The following GDF5 variants were observed in gnomAD, a reference collection of about 807,000 sequenced individuals.
GDF5 encodes the protein growth/differentiation factor 5.
In GDF5, 17 loss-of-function variants were observed where a neutral mutation model predicts 34.6. That is an observed-to-expected ratio of 0.49 (90% confidence interval 0.34 to 0.74). The LOEUF is 0.74. GDF5 is among the 30% of genes least tolerant of loss of function. The pLI is 0.01. For missense variants in GDF5, 616 were observed against 661.2 expected, an observed-to-expected ratio of 0.93 and a Z score of 0.75; for synonymous variants, 332 against 290.7, an observed-to-expected ratio of 1.14 and a Z score of -1.44.
At chr20:35,442,270 C>T (rs1007888545), upstream of GDF5, among the ~76,000 whole-genome samples, 2 of 152,060 alleles carry the variant, frequency 1.3e-5, no homozygotes, top group African/African-American at 2.4e-5. Context: ...CTTCAGCCTC[C>T]TGAGTAGCTG....
chr20:35,434,545 G>T lies in GDF5; in HGVS notation c.870C>A (p.Gly290=). The change falls in exon 2 of 2, where the codon GGC becomes GGA. Residue 290 remains glycine (G), a synonymous_variant. Transcript: ENST00000374369. Reference sequence around the variant, plus strand: ...GCTTCCAGATGTCGAACACCTCCCAGCCAGATCCGTCCAGGCCTGGCACGG... The same window carrying T: ...GCTTCCAGATGTCGAACACCTCCCATCCAGATCCGTCCAGGCCTGGCACGG... The part of the protein sequence containing the change: ...VRSVPGLDGS[G]WEVFDIWKLF... The T allele has an allele frequency of 1.3e-6, 2 of 1,598,972 alleles. No individual in the cohort carries two copies. Among genetic ancestry groups the T allele is most frequent in the Non-Finnish European group, 1.7e-6 (2 of 1,171,848 alleles).
upstream of GDF5, among the ~76,000 whole-genome samples, chr20:35,440,264 C>T (rs2062493722): frequency 6.6e-6 from 1 of 151,346 alleles, no homozygotes; most frequent in Non-Finnish European, 1.5e-5. Flanking sequence ...CGAGATCGCA[C>T]CACTGCACTC....
At chr20:35,442,138 GC>G (rs1196563790), upstream of GDF5, among the ~76,000 whole-genome samples, 1 of 152,028 alleles carries the variant, frequency 6.6e-6, no homozygotes, top group Non-Finnish European at 1.5e-5. Flanking sequence ...ACCACATGTG[GC>G]CGAAAGTAAC....
intron 1 of GDF5, among the ~76,000 whole-genome samples, chr20:35,436,222 C>T (rs749375846): frequency 6.4e-4 from 97 of 152,248 alleles, no homozygotes; most frequent in Non-Finnish European, 1.2e-3. Flanking sequence ...GGGGGGCACA[C>T]GGACTTATTT....
intron 1 of GDF5, among the ~76,000 whole-genome samples, chr20:35,452,347 A>C (rs1201117326): frequency 6.6e-6 from 1 of 152,262 alleles, no homozygotes; most frequent in East Asian, 1.9e-4. Context: ...AAATAAGGGA[A>C]TGAATCCCCC....
chr20:35,452,433 T>C (rs79447658), intron 1 of GDF5, among the ~76,000 whole-genome samples: 9,105 of 152,256 alleles, frequency 0.06, 389 homozygotes, highest in Non-Finnish European at 0.097. Flanking sequence ...TCATAGTCTT[T>C]TTCTTTGAGA....
At chr20:35,448,413 A>AAATAT (rs1236837477) in intron 1 of GDF5, among the ~76,000 whole-genome samples, 149 of 96,500 alleles carry the variant, frequency 1.5e-3, no homozygotes, top group African/African-American at 5.9e-3. Context: ...AAAAAAAAAA[A>AAATAT]ATATATATAT....
chr20:35,438,863 A>ATGTGTGCCTGTGTGTGTG (rs797041759), upstream of GDF5, among the ~76,000 whole-genome samples: 84 of 144,372 alleles, frequency 5.8e-4, no homozygotes, highest in East Asian at 8.1e-3. Context: ...GTGTGTGTTT[A>ATGTGTGCCTGTGTGTGTG]TGTGCCTGTG....
At chr20:35,437,214 G>T in intron 1 of GDF5, 84 bp downstream of exon 1, 1 of 981,954 alleles carries the variant, frequency 1.0e-6, no homozygotes, top group Non-Finnish European at 1.6e-6. Flanking sequence ...CTCCCACCAG[G>T]GCAGTGCCAG....
intron 1 of GDF5, among the ~76,000 whole-genome samples, chr20:35,450,052 C>T (rs1327666737): frequency 6.6e-6 from 1 of 151,492 alleles, no homozygotes; most frequent in Non-Finnish European, 1.5e-5. Context: ...CCTGTAATCC[C>T]AGCACTTTGG....
At chr20:35,451,819 C>T (rs894130320) in intron 1 of GDF5, among the ~76,000 whole-genome samples, 12 of 152,102 alleles carry the variant, frequency 7.9e-5, no homozygotes, top group African/African-American at 2.4e-4. Flanking sequence ...CAGGCGTGAG[C>T]CACTGCACCC....
At chr20:35,448,016 T>C (rs2062519137) in intron 1 of GDF5, among the ~76,000 whole-genome samples, 1 of 152,202 alleles carries the variant, frequency 6.6e-6, no homozygotes, top group South Asian at 2.1e-4. Flanking sequence ...ATATATTTGA[T>C]TATAAAATTA....
At chr20:35,437,246 C>A in intron 1 of GDF5, 52 bp downstream of exon 1, 2 of 1,280,368 alleles carry the variant, frequency 1.6e-6, no homozygotes, top group Non-Finnish European at 2.2e-6. Flanking sequence ...CCCCTCCATT[C>A]ATGCAGATGC....
At position 35,445,076 on chromosome 20, in the gene GDF5, T is replaced by TA. The variant is rs1299736746; in HGVS notation, c.-397-3690dup. 3.9e-5 allele frequency among the ~76,000 whole-genome samples: 6 copies of TA among 152,316 alleles called. No individual in the cohort carries two copies. In the East Asian group the frequency reaches 9.6e-4, roughly 24 times the overall value. On this transcript the variant is annotated intron_variant, in intron 1 of 3. Transcript: ENST00000374372. ...GCACTGGGAACCCAATGGGATGTTT[T>TA]AAGCAGGAGAGTAGTGAAATAATGA...
rs758016837 is a variant in GDF5 at position 35,434,554 on chromosome 20, G to A, written c.861C>T (p.Asp287=). 3.5e-5 allele frequency: 56 copies of A among 1,593,664 alleles called. No individual in the cohort carries two copies. The highest frequency in any genetic ancestry group is 4.4e-5 in the Non-Finnish European group (51 of 1,168,814). ...LLDVRSVPGL[D]GSGWEVFDIW... is the part of the protein sequence containing the mutation. The stretch of plus-strand genomic sequence containing the variant: ...TGTCGAACACCTCCCAGCCAGATCC[G>A]TCCAGGCCTGGCACGGAGCGCACAT... Residue 287 remains aspartate, a synonymous_variant, in exon 2 of 2, where the codon GAC becomes GAT. Coordinates refer to ENST00000374369, the MANE Select transcript of GDF5 (RefSeq NM_000557.5).
upstream of GDF5, among the ~76,000 whole-genome samples, chr20:35,438,807 G>C (rs991243336): frequency 7.5e-6 from 1 of 134,024 alleles, no homozygotes; most frequent in Non-Finnish European, 1.6e-5. Flanking sequence ...ATCTAGTCTG[G>C]GACCTGATTT....
At chr20:35,446,681 G>A (rs889034730) in intron 1 of GDF5, among the ~76,000 whole-genome samples, 1 of 152,056 alleles carries the variant, frequency 6.6e-6, no homozygotes, top group African/African-American at 2.4e-5. Context: ...TTTCATAAAT[G>A]AGGAAATTAA....
rs572299467 is a variant in GDF5 at position 35,437,506 on chromosome 20, G to A, written c.423C>T (p.Pro141=). ...TGGCCTTCTTCAGCAGGAAGGAGCTGGGGACAGATCCTGCTTTTGGGGGTG... is the reference window on the plus strand; with the variant it reads ...TGGCCTTCTTCAGCAGGAAGGAGCTAGGGACAGATCCTGCTTTTGGGGGTG... ...GKAPPKAGSV[P]SSFLLKKARE... Residue 141 remains proline, a synonymous_variant, in exon 1 of 2, where the codon CCC becomes CCT. Coordinates refer to ENST00000374369, the MANE Select transcript of GDF5 (RefSeq NM_000557.5). 1.2e-6 allele frequency: 2 copies of A among 1,614,136 alleles called. No homozygotes were observed. Among genetic ancestry groups the A allele is most frequent in the African/African-American group, 1.3e-5 (1 of 75,050 alleles).
intron 1 of GDF5, among the ~76,000 whole-genome samples, chr20:35,454,386 A>C (rs2062557357): frequency 6.6e-6 from 1 of 151,950 alleles, no homozygotes; most frequent in South Asian, 2.1e-4. Flanking sequence ...CCTGGGAGGC[A>C]GAGGTTGCAG....
Sources: gnomAD v4.1 joint callset for allele counts (sites outside exome capture counted in the v4.1 genomes callset) on GRCh38, gnomAD v4.1.1 for gene constraint, MANE v1.5 for transcripts, NCBI Gene and HGNC (gene_info 2026-07-23, HGNC 2026-07-21) for gene names.